ETV6: variants seen among roughly 807,000 people sequenced by gnomAD.
ETV6 encodes the protein ETS variant transcription factor 6, also known as transcription factor ETV6.
A neutral mutation model predicts 51.1 loss-of-function variants in ETV6; 16 were observed. That is an observed-to-expected ratio of 0.31 (90% CI 0.21 to 0.48). The LOEUF (loss-of-function observed/expected upper bound fraction) is 0.48, where lower values mean the gene tolerates loss of function less well. ETV6 is among the 20% of genes least tolerant of loss of function. The pLI is 0.99. For synonymous variants in ETV6, 240 were observed against 224.1 expected (o/e 1.07, Z -0.64); for missense variants, 458 against 594.8 (o/e 0.77, Z 2.39).
intron 2 of ETV6, among the ~76,000 whole-genome samples, chr12:11,820,819 G>T (rs1247199721): frequency 6.6e-6 from 1 of 152,202 alleles, no homozygotes; most frequent in Non-Finnish European, 1.5e-5. Context: ...AGAGTGACAT[G>T]ATGAAACTTA....
intron 1 of ETV6, among the ~76,000 whole-genome samples, chr12:11,742,805 CTTTTTTTT>C (rs751007395): frequency 1.3e-5 from 1 of 78,684 alleles, no homozygotes; most frequent in African/African-American, 4.9e-5. Flanking sequence ...TTCTTTCTTT[CTTTTTTTT>C]TTTTTTTTTT....
At position 11,869,968 on chromosome 12, in the gene ETV6, A is replaced by C; in HGVS notation, c.1008A>C (p.Ala336=). The change falls in exon 5 of 8, where the codon GCA becomes GCC. Residue 336 remains alanine (A), a splice_region_variant and synonymous_variant. Transcript: ENST00000396373. This position sits in a 1 kb window ranked among gnomAD's most constrained non-coding sequence, Gnocchi z 5.0. Reference sequence around the variant, plus strand: ...ACGCCATGCCCATTGGGAGAATAGCAGGTGAGTGAGTTCCCCTCTCGCCGC... The same window carrying C: ...ACGCCATGCCCATTGGGAGAATAGCCGGTGAGTGAGTTCCCCTCTCGCCGC... ...EEHAMPIGRI[A]DCRLLWDYVY... The C allele has an allele frequency of 6.3e-6, 10 of 1,598,518 alleles. No individual in the cohort carries two copies. The highest frequency in any genetic ancestry group is 7.6e-6 in the Non-Finnish European group (9 of 1,176,470).
chr12:11,876,623 C>T (rs1200754294), intron 5 of ETV6, among the ~76,000 whole-genome samples: 3 of 152,036 alleles, frequency 2.0e-5, no homozygotes, highest in East Asian at 1.9e-4. Context: ...TTTTATAATC[C>T]ATTCATTTCA....
intron 1 of ETV6, among the ~76,000 whole-genome samples, chr12:11,674,816 C>G (rs931091900): frequency 3.9e-5 from 6 of 152,044 alleles, no homozygotes; most frequent in African/African-American, 1.5e-4. Context: ...TCTCTCACTG[C>G]CCCAGGAGCG....
At chr12:11,683,232 C>T (rs1014755037) in intron 1 of ETV6, among the ~76,000 whole-genome samples, 2 of 152,092 alleles carry the variant, frequency 1.3e-5, no homozygotes, top group African/African-American at 2.4e-5. Flanking sequence ...TTAGTAGAGA[C>T]GGGGTTTTGC....
intron 1 of ETV6, among the ~76,000 whole-genome samples, chr12:11,733,652 T>C (rs1160718483): frequency 6.6e-6 from 1 of 152,102 alleles, no homozygotes; most frequent in East Asian, 1.9e-4. Context: ...CCCCGGAATA[T>C]TTATGGAACT....
intron 1 of ETV6, among the ~76,000 whole-genome samples, chr12:11,730,224 A>G (rs914334981): frequency 1.3e-5 from 2 of 152,270 alleles, no homozygotes; most frequent in Non-Finnish European, 2.9e-5. Flanking sequence ...GCAGGCCTTC[A>G]GCAAAGCCCA....
At chr12:11,840,527 C>G in intron 3 of ETV6, 1 of 456,058 alleles carries the variant, frequency 2.2e-6, no homozygotes, top group South Asian at 1.5e-5. Context: ...TAGTCCCTAA[C>G]TACGTTCAAC....
chr12:11,859,410 G>A (rs963086545), intron 4 of ETV6, among the ~76,000 whole-genome samples: 2 of 151,822 alleles, frequency 1.3e-5, no homozygotes, highest in Non-Finnish European at 2.9e-5. Flanking sequence ...CAAAGTGCTG[G>A]GATTACAAGC....
intron 2 of ETV6, among the ~76,000 whole-genome samples, chr12:11,819,220 C>T (rs1028623742): frequency 3.3e-5 from 5 of 152,196 alleles, no homozygotes; most frequent in African/African-American, 7.2e-5. Flanking sequence ...CTGGTTTCTA[C>T]GCCTGCTGCC....
intron 1 of ETV6, among the ~76,000 whole-genome samples, chr12:11,703,833 A>C (rs1166724967): frequency 6.6e-6 from 1 of 152,228 alleles, no homozygotes; most frequent in Admixed American, 6.5e-5. Flanking sequence ...TTAAGATTTG[A>C]GGGCAACTTT....
At chr12:11,725,023 C>T (rs1417043294) in intron 1 of ETV6, among the ~76,000 whole-genome samples, 12 of 152,116 alleles carry the variant, frequency 7.9e-5, no homozygotes, top group Admixed American at 3.3e-4. Flanking sequence ...TTTCTTTTAT[C>T]GTGAACTTAC....
chr12:11,859,970 C>G (rs571053733), intron 4 of ETV6, among the ~76,000 whole-genome samples: 1 of 152,298 alleles, frequency 6.6e-6, no homozygotes, highest in South Asian at 2.1e-4. Context: ...GGACCGAATT[C>G]ACCCTTCTAG....
At chr12:11,853,359 T>TGCTC in intron 3 of ETV6, 68 bp from the exon 4 acceptor site, 1 of 1,595,016 alleles carries the variant, frequency 6.3e-7, no homozygotes, top group Non-Finnish European at 8.6e-7. Flanking sequence ...ACTTAGCTGC[T>TGCTC]GCTCCGTAGA....
At chr12:11,835,983 C>T (rs1946309916) in intron 2 of ETV6, among the ~76,000 whole-genome samples, 1 of 152,200 alleles carries the variant, frequency 6.6e-6, no homozygotes, top group Non-Finnish European at 1.5e-5. Context: ...GTTGTGTGAG[C>T]ATGCAGTTGA....
rs530632778 is a variant in ETV6, at chr12:11,847,213, C to G, written c.329-6214C>G. On this transcript the variant is annotated intron_variant, in intron 3 of 7. Coordinates refer to ENST00000396373, the MANE Select transcript of ETV6 (RefSeq NM_001987.5). ...ATGTGAGATGAGAAGGAAGAGAGGCCTTAACGATTACTCCCAGGTTTCTGG... is the reference window on the plus strand; with the variant it reads ...ATGTGAGATGAGAAGGAAGAGAGGCGTTAACGATTACTCCCAGGTTTCTGG... Among the ~76,000 whole-genome samples the G allele has an allele frequency of 4.6e-5, 7 of 152,238 alleles. No homozygotes were observed. In the South Asian group the frequency reaches 1.5e-3, roughly 32 times the overall value.
intron 7 of ETV6, among the ~76,000 whole-genome samples, chr12:11,889,149 G>A (rs1359294588): frequency 6.6e-6 from 1 of 152,174 alleles, no homozygotes; most frequent in African/African-American, 2.4e-5. Flanking sequence ...CTGTGGAGTT[G>A]GCTTAGAGGG....
chr12:11,819,726 A>G (rs1946048581), intron 2 of ETV6, among the ~76,000 whole-genome samples: 1 of 152,118 alleles, frequency 6.6e-6, no homozygotes, highest in South Asian at 2.1e-4. Context: ...ATTCTACCCC[A>G]TGGTATCTTC....
intron 1 of ETV6, among the ~76,000 whole-genome samples, chr12:11,737,552 T>C (rs771321730): frequency 2.0e-5 from 3 of 152,226 alleles, no homozygotes; most frequent in Admixed American, 6.5e-5. Flanking sequence ...TTTTCTAGTC[T>C]GAACCGAGGA....
Sources: allele counts gnomAD v4.1 joint callset (sites outside exome capture counted in the v4.1 genomes callset), GRCh38; gene constraint gnomAD v4.1.1; non-coding constraint Gnocchi (gnomAD v3.1); transcripts MANE v1.5; gene names NCBI Gene and HGNC (gene_info 2026-07-23, HGNC 2026-07-21).